Variants in EDNRB observed in about 807,000 individuals in gnomAD.
EDNRB encodes Hirschsprung disease 2.
A neutral mutation model predicts 46.4 loss-of-function variants in EDNRB; 18 were observed. That is an observed-to-expected ratio of 0.39 (90% confidence interval 0.27 to 0.57). The LOEUF (loss-of-function observed/expected upper bound fraction) is 0.57, where lower values mean the gene tolerates loss of function less well. Among genes scored for constraint, EDNRB ranks in the 20% least tolerant of loss-of-function variants. The pLI, the probability that EDNRB is intolerant of heterozygous loss-of-function variation, is 0.61. For missense variants in EDNRB, 434 were observed against 537.5 expected (o/e 0.81, Z 1.90); for synonymous variants, 213 against 204.9 (o/e 1.04, Z -0.34).
intron 1 of EDNRB, among the ~76,000 whole-genome samples, chr13:77,969,250 A>C (rs1160746165): frequency 6.6e-6 from 1 of 152,214 alleles, no homozygotes; most frequent in Admixed American, 6.5e-5. Flanking sequence ...GTTCATTTTA[A>C]AAGTTAATTC....
intron 1 of EDNRB, among the ~76,000 whole-genome samples, chr13:77,971,116 A>G (rs944443918): frequency 2.0e-5 from 3 of 152,104 alleles, no homozygotes; most frequent in African/African-American, 7.2e-5. Context: ...GGTTGGGCCC[A>G]CTAGAATAAA....
chr13:77,959,894 C>T (rs1881354367), intron 1 of EDNRB, among the ~76,000 whole-genome samples: 1 of 152,168 alleles, frequency 6.6e-6, no homozygotes. Flanking sequence ...GATGAATGCA[C>T]AAGCTTCAGT....
chr13:77,919,409 A>G, upstream of EDNRB: 6 of 1,612,066 alleles, frequency 3.7e-6, no homozygotes, highest in Non-Finnish European at 4.2e-6. Context: ...CTCGGATCTG[A>G]CAAACCAGAT....
chr13:77,908,043 A>AAAAAAAAAAGAG (rs4052535), intron 1 of EDNRB, among the ~76,000 whole-genome samples: 2 of 72,448 alleles, frequency 2.8e-5, no homozygotes, highest in Non-Finnish European at 2.4e-5. Flanking sequence ...AAAAAAAAAA[A>AAAAAAAAAAGAG]AGAGAGAGAG....
intron 1 of EDNRB, among the ~76,000 whole-genome samples, chr13:77,916,991 C>T (rs1395683562): frequency 6.6e-6 from 1 of 151,898 alleles, no homozygotes; most frequent in Non-Finnish European, 1.5e-5. Context: ...AAACTGAGGC[C>T]CAGAGGTGCT....
Position 77,897,423 on chromosome 13 carries a change from T to C in EDNRB, c.*777A>G. On this transcript the variant is annotated 3_prime_UTR_variant, in exon 7 of 7. Transcript: ENST00000646607. ...AGCCTTTCAAACATTCTATTTCTCT[T>C]TGTGAGGTTTGATCTTAACTGAATG... is the stretch of plus-strand genomic sequence containing the variant. 1 of 985,196 alleles carries C rather than the reference T, an allele frequency of 1.0e-6. No homozygotes were observed. 61.0% of individuals were successfully genotyped at this position (985,196 alleles called of 1,614,324 possible).
chr13:77,928,995 G>A (rs1020216701), intron 1 of EDNRB, among the ~76,000 whole-genome samples: 1 of 152,162 alleles, frequency 6.6e-6, no homozygotes, highest in Admixed American at 6.5e-5. Flanking sequence ...GGCATTTTCA[G>A]TTGAGAAACT....
At chr13:77,915,890 T>C (rs1420015520) in intron 1 of EDNRB, among the ~76,000 whole-genome samples, 3 of 152,340 alleles carry the variant, frequency 2.0e-5, no homozygotes, top group African/African-American at 7.2e-5. Context: ...GGGAAAAGGA[T>C]GTAACTTCCT....
At chr13:77,955,460 A>G (rs1034232191) in intron 1 of EDNRB, among the ~76,000 whole-genome samples, 28 of 152,074 alleles carry the variant, frequency 1.8e-4, no homozygotes, top group African/African-American at 6.8e-4. Context: ...GCCATGCAAA[A>G]GTATTTAGTT....
At chr13:77,906,786 A>G (rs779344445) in intron 1 of EDNRB, among the ~76,000 whole-genome samples, 1 of 152,008 alleles carries the variant, frequency 6.6e-6, no homozygotes, top group Non-Finnish European at 1.5e-5. Flanking sequence ...TGCCAAACCA[A>G]AGACACAATG....
At chr13:77,974,171 CT>C (rs12720121) in intron 1 of EDNRB, among the ~76,000 whole-genome samples, 5 of 151,108 alleles carry the variant, frequency 3.3e-5, no homozygotes, top group Middle Eastern at 3.5e-3. Context: ...GTATAGATGG[CT>C]TTTTTTTTCC....
rs1878622489 is a variant in EDNRB, at chr13:77,896,347, C to T, written c.*1853G>A. 4.5e-6 allele frequency: 6 copies of T among 1,321,572 alleles called. No homozygotes were observed. Among genetic ancestry groups the T allele is most frequent in the Admixed American group, 3.4e-5 (1 of 29,784 alleles). 81.9% of individuals were successfully genotyped at this position (1,321,572 alleles called of 1,614,324 possible). A position where few individuals can be genotyped will look rare whatever the true frequency, so the allele number is the denominator to read the frequency against. On this transcript the variant is annotated 3_prime_UTR_variant, in exon 7 of 7. Transcript: ENST00000646607. ...ATTTAAAATTGAGAGTCTAAAATGA[C>T]TTCTATGATAACAGGCCTCTGAAAA...
At chr13:77,924,380 G>A (rs1343713952), upstream of EDNRB, among the ~76,000 whole-genome samples, 1 of 152,140 alleles carries the variant, frequency 6.6e-6, no homozygotes, top group Non-Finnish European at 1.5e-5. Context: ...ATGCACAGGC[G>A]ACTTACTTCT....
At chr13:77,967,856 G>A (rs1881624235) in intron 1 of EDNRB, among the ~76,000 whole-genome samples, 1 of 152,122 alleles carries the variant, frequency 6.6e-6, no homozygotes, top group Non-Finnish European at 1.5e-5. Context: ...TCCTTTAAGT[G>A]AGCTACTATG....
intron 1 of EDNRB, among the ~76,000 whole-genome samples, chr13:77,945,171 C>T (rs963179852): frequency 3.3e-5 from 5 of 152,110 alleles, no homozygotes; most frequent in African/African-American, 1.2e-4. Flanking sequence ...CTGAGGTGTA[C>T]ATGTGTACAT....
intron 1 of EDNRB, among the ~76,000 whole-genome samples, chr13:77,942,142 T>A (rs1348871388): frequency 6.6e-6 from 1 of 152,114 alleles, no homozygotes; most frequent in African/African-American, 2.4e-5. Context: ...CTGTCTCCCT[T>A]GCACTTGAGC....
intron 1 of EDNRB, among the ~76,000 whole-genome samples, chr13:77,969,503 C>T (rs1464410074): frequency 1.3e-5 from 2 of 152,138 alleles, no homozygotes; most frequent in African/African-American, 4.8e-5. Context: ...ATGCATTCTG[C>T]ATGGTAGTTT....
chr13:77,919,687 G>A (rs535304703), upstream of EDNRB: 5 of 1,438,168 alleles, frequency 3.5e-6, no homozygotes, highest in East Asian at 1.2e-4. Context: ...TTCCCCTTGG[G>A]CGATGCCTGG....
chr13:77,926,671 C>A (rs6563023), intron 1 of EDNRB, among the ~76,000 whole-genome samples: 81,444 of 151,478 alleles, frequency 0.54, 22,654 homozygotes, highest in Non-Finnish European at 0.62. Flanking sequence ...CCTCTAAACT[C>A]TTCCACCTCT....
Sources: allele counts gnomAD v4.1 joint callset (sites outside exome capture counted in the v4.1 genomes callset), GRCh38; gene constraint gnomAD v4.1.1; transcripts MANE v1.5; gene names NCBI Gene and HGNC (gene_info 2026-07-23, HGNC 2026-07-21).